Variants in MGMT observed in about 807,000 individuals in gnomAD.
MGMT encodes the protein methylated-DNA--protein-cysteine methyltransferase.
A neutral mutation model predicts 15.9 loss-of-function variants in MGMT; 14 were observed. That is an observed-to-expected ratio of 0.88 (90% CI 0.58 to 1.37). The LOEUF (loss-of-function observed/expected upper bound fraction) is 1.37. Ranked by LOEUF, MGMT falls within the 40% of genes most tolerant of loss-of-function variation. The pLI is 0.00. For missense variants in MGMT, 282 were observed against 268.1 expected, an observed-to-expected ratio of 1.05 and a Z score of -0.36; for synonymous variants, 130 against 118.2, an observed-to-expected ratio of 1.10 and a Z score of -0.65.
chr10:129,717,146 A>G (rs991321059), intron 3 of MGMT, among the ~76,000 whole-genome samples: 2 of 152,234 alleles, frequency 1.3e-5, no homozygotes, highest in African/African-American at 4.8e-5. Context: ...CAGCCCGGCA[A>G]CACAAAAATA....
Position 129,470,570 on chromosome 10 carries a change from C to G in MGMT, c.-13+3274C>G, listed in dbSNP as rs1845218987. Among the ~76,000 whole-genome samples, 5 of 152,260 alleles carry G rather than the reference C, an allele frequency of 3.3e-5. No homozygotes were observed. In the South Asian group the frequency reaches 1.0e-3, roughly 32 times the overall value. ...CTTTGAAGTATTAGAGTGGCTTTGG[C>G]AGGTGTGGATCACCCGGAAAGGAAT... is the stretch of plus-strand genomic sequence containing the variant. On this transcript the variant is annotated intron_variant, in intron 1 of 4. Coordinates refer to ENST00000651593, the MANE Select transcript of MGMT (RefSeq NM_002412.5).
intron 2 of MGMT, among the ~76,000 whole-genome samples, chr10:129,583,731 A>G (rs563284241): frequency 6.6e-6 from 1 of 152,010 alleles, no homozygotes; most frequent in African/African-American, 2.4e-5. Flanking sequence ...CTTGCTTCCT[A>G]TTTCATGTCC....
chr10:129,767,161 C>T lies in MGMT; in HGVS notation c.*164C>T, dbSNP rs1018029654. The T allele has an allele frequency of 9.1e-5, 55 of 607,524 alleles. No homozygotes were observed. The highest frequency in any genetic ancestry group is 1.3e-4 in the African/African-American group (7 of 53,434). 37.6% of individuals were successfully genotyped at this position (607,524 alleles called of 1,614,324 possible). A position where few individuals can be genotyped will look rare whatever the true frequency, so the allele number is the denominator to read the frequency against. Reference sequence around the variant, plus strand: ...TTACAGCAGGATGAGTTCAGACGCCCGCGGTCCTGCACACATTTGTTTCCT... The same window carrying T: ...TTACAGCAGGATGAGTTCAGACGCCTGCGGTCCTGCACACATTTGTTTCCT... On this transcript the variant is annotated 3_prime_UTR_variant, in exon 5 of 5. Transcript: ENST00000651593.
intron 2 of MGMT, among the ~76,000 whole-genome samples, chr10:129,573,699 C>T (rs569024103): frequency 6.6e-6 from 1 of 152,214 alleles, no homozygotes; most frequent in African/African-American, 2.4e-5. Context: ...TTTTGAATTA[C>T]TCGACTTTGT....
intron 1 of MGMT, among the ~76,000 whole-genome samples, chr10:129,477,095 G>T (rs1189756108): frequency 2.0e-5 from 3 of 152,192 alleles, no homozygotes; most frequent in South Asian, 2.1e-4. Flanking sequence ...GTGAGTGGGG[G>T]ACTCGTGTCC....
intron 1 of MGMT, among the ~76,000 whole-genome samples, chr10:129,525,340 T>C (rs186044725): frequency 2.6e-5 from 4 of 152,338 alleles, no homozygotes; most frequent in African/African-American, 9.6e-5. Context: ...CCAGTTTATA[T>C]CTCAAAATGG....
At chr10:129,509,276 G>T (rs749918795) in intron 1 of MGMT, among the ~76,000 whole-genome samples, 4 of 152,084 alleles carry the variant, frequency 2.6e-5, no homozygotes, top group African/African-American at 9.7e-5. Flanking sequence ...TATTGCGTTC[G>T]CATAGAGCGT....
At chr10:129,647,374 C>A (rs1002617288) in intron 2 of MGMT, among the ~76,000 whole-genome samples, 1 of 152,172 alleles carries the variant, frequency 6.6e-6, no homozygotes, top group Admixed American at 6.5e-5. Context: ...TTAAAGGCAG[C>A]GGCCTGCAGG....
intron 2 of MGMT, among the ~76,000 whole-genome samples, chr10:129,662,704 T>A (rs1847612716): frequency 6.6e-6 from 1 of 152,000 alleles, no homozygotes; most frequent in Non-Finnish European, 1.5e-5. Context: ...ACACAGTGAT[T>A]CACAAGGGAA....
intron 2 of MGMT, among the ~76,000 whole-genome samples, chr10:129,629,073 C>T (rs921213821): frequency 2.0e-5 from 3 of 152,244 alleles, no homozygotes; most frequent in African/African-American, 7.2e-5. Flanking sequence ...GCCTTCCCAG[C>T]TGGAGCAGGT....
intron 3 of MGMT, among the ~76,000 whole-genome samples, chr10:129,734,913 A>T (rs1848542795): frequency 6.6e-6 from 1 of 152,198 alleles, no homozygotes; most frequent in Admixed American, 6.5e-5. Flanking sequence ...GATGAAGCCC[A>T]CTTGATCATG....
chr10:129,749,834 TATTC>T lies in MGMT; in HGVS notation c.275-9364_275-9361del, dbSNP rs964440532. Among the ~76,000 whole-genome samples, 180 of 152,314 alleles carry T rather than the reference TATTC, an allele frequency of 1.2e-3. 1 individual carries two copies. Among genetic ancestry groups the T allele is most frequent in the African/African-American group, 4.2e-3 (174 of 41,578 alleles). ...GCCATTCTAAAAGCCATTGTAATCATATTCATTATTTTAGTGTGCAGCTCCTAAA... is the reference window on the plus strand; with the variant it reads ...GCCATTCTAAAAGCCATTGTAATCATATTATTTTAGTGTGCAGCTCCTAAA... On this transcript the variant is annotated intron_variant, in intron 3 of 4. Transcript: ENST00000651593.
At chr10:129,558,229 T>G (rs1846237881) in intron 2 of MGMT, among the ~76,000 whole-genome samples, 1 of 152,172 alleles carries the variant, frequency 6.6e-6, no homozygotes, top group African/African-American at 2.4e-5. Context: ...TATAACACCT[T>G]GATTAATAGG....
intron 2 of MGMT, among the ~76,000 whole-genome samples, chr10:129,669,854 G>C (rs771710282): frequency 2.6e-5 from 4 of 152,094 alleles, no homozygotes; most frequent in Non-Finnish European, 5.9e-5. Context: ...TATAATTACT[G>C]TTTTGCCTTG....
At chr10:129,753,964 T>C (rs1419541885) in intron 3 of MGMT, among the ~76,000 whole-genome samples, 4 of 152,216 alleles carry the variant, frequency 2.6e-5, no homozygotes, top group African/African-American at 9.6e-5. Flanking sequence ...ATTTAGTTAG[T>C]TCATAAGTTC....
At chr10:129,483,071 C>T (rs952532580) in intron 1 of MGMT, among the ~76,000 whole-genome samples, 1 of 152,118 alleles carries the variant, frequency 6.6e-6, no homozygotes, top group Non-Finnish European at 1.5e-5. Flanking sequence ...AGCTATCTCT[C>T]TTCTTTTTTA....
intron 1 of MGMT, among the ~76,000 whole-genome samples, chr10:129,487,212 C>G (rs546859970): frequency 1.6e-4 from 24 of 151,984 alleles, no homozygotes; most frequent in Non-Finnish European, 2.6e-4. Flanking sequence ...TTGCCCTGCT[C>G]TCATGGGGGT....
At chr10:129,605,609 G>A (rs1846880031) in intron 2 of MGMT, among the ~76,000 whole-genome samples, 1 of 152,136 alleles carries the variant, frequency 6.6e-6, no homozygotes, top group Non-Finnish European at 1.5e-5. Context: ...CAATACATGT[G>A]AAGCCCATTT....
rs762165032 is a variant in MGMT, at chr10:129,759,331, G to A, written c.404G>A (p.Arg135Lys). Residue 135 changes from arginine (R) to lysine (K), a missense_variant, in exon 4 of 5, where the codon AGA becomes AAA. Transcript: ENST00000651593. ...GCGCGAGCAGTGGGAGGAGCAATGAGAGGCAATCCTGTGAGTTCTCATGGC... is the reference window on the plus strand; with the variant it reads ...GCGCGAGCAGTGGGAGGAGCAATGAAAGGCAATCCTGTGAGTTCTCATGGC... ...KAARAVGGAMRGNPVPILIPC... is the reference protein window; with the variant it reads ...KAARAVGGAMKGNPVPILIPC... 1 of 1,614,230 alleles carries A rather than the reference G, an allele frequency of 6.2e-7. No individual in the cohort carries two copies. The highest frequency in any genetic ancestry group is 1.1e-5 in the South Asian group (1 of 91,086).
Sources: gnomAD v4.1 joint callset for allele counts (sites outside exome capture counted in the v4.1 genomes callset) on GRCh38, gnomAD v4.1.1 for gene constraint, MANE v1.5 for transcripts, NCBI Gene and HGNC (gene_info 2026-07-23, HGNC 2026-07-21) for gene names.